Variants in CAST observed in about 807,000 individuals in gnomAD.
CAST encodes calpastatin, also known as MIR583 host.
In CAST, 76 loss-of-function variants were observed where a neutral mutation model predicts 119.6. The observed-to-expected ratio is 0.64, with a 90% CI of 0.53 to 0.77. The LOEUF (loss-of-function observed/expected upper bound fraction) is 0.77. Ranked by LOEUF, CAST falls within the 30% of genes least tolerant of loss-of-function variation. The probability of loss-of-function intolerance (pLI) is 0.00; values close to 1 mark genes in which losing one functional copy is unlikely to be tolerated. For missense variants in CAST, 953 were observed against 946.5 expected, an observed-to-expected ratio of 1.01 and a Z score of -0.09; for synonymous variants, 319 against 331.6, an observed-to-expected ratio of 0.96 and a Z score of 0.41.
chr5:96,191,335 T>A, the CAST span, among the ~76,000 whole-genome samples: 539 of 152,342 alleles, frequency 3.5e-3, 2 homozygotes, highest in African/African-American at 0.012. Context: ...GTTACTTATA[T>A]GCCAGGCATT....
At chr5:96,384,724 G>A in the CAST span, among the ~76,000 whole-genome samples, 1 of 152,190 alleles carries the variant, frequency 6.6e-6, no homozygotes, top group Non-Finnish European at 1.5e-5. Context: ...GGATGTAGTT[G>A]GCTAGGAGAT....
At chr5:96,002,271 T>C in the CAST span, among the ~76,000 whole-genome samples, 1 of 152,198 alleles carries the variant, frequency 6.6e-6, no homozygotes, top group Non-Finnish European at 1.5e-5. Context: ...AGAGAATTCA[T>C]TGGCTCTTTT....
At chr5:96,278,011 G>T in the CAST span, among the ~76,000 whole-genome samples, 290 of 152,070 alleles carry the variant, frequency 1.9e-3, 3 homozygotes, top group Admixed American at 0.016. Context: ...GGAGGGTGGG[G>T]AGTCTTAATT....
intron 1 of CAST, among the ~76,000 whole-genome samples, chr5:96,538,281 A>G (rs1036197361): frequency 3.9e-5 from 6 of 152,210 alleles, no homozygotes; most frequent in Non-Finnish European, 7.3e-5. Context: ...GCATCTAGGA[A>G]AGGAGGTGAG....
intron 1 of CAST, among the ~76,000 whole-genome samples, chr5:96,608,521 G>T (rs171868): frequency 7.3e-5 from 11 of 151,492 alleles, no homozygotes; most frequent in African/African-American, 2.7e-4. Flanking sequence ...TTAAAAAAAA[G>T]AACTTGACAA....
the CAST span, among the ~76,000 whole-genome samples, chr5:96,518,348 A>C: frequency 6.6e-6 from 1 of 152,246 alleles, no homozygotes; most frequent in Non-Finnish European, 1.5e-5. Flanking sequence ...AAAGAAAAGA[A>C]ATGCATTAGC....
chr5:96,031,831 A>G, the CAST span, among the ~76,000 whole-genome samples: 1 of 152,088 alleles, frequency 6.6e-6, no homozygotes, highest in Non-Finnish European at 1.5e-5. Context: ...GCATTATTTC[A>G]TAGTTTCTGT....
At chr5:95,965,492 A>G in the CAST span, among the ~76,000 whole-genome samples, 2 of 152,218 alleles carry the variant, frequency 1.3e-5, no homozygotes, top group African/African-American at 4.8e-5. Flanking sequence ...GTTAATTCTT[A>G]TTAATGTCTT....
At chr5:96,294,820 G>T in the CAST span, among the ~76,000 whole-genome samples, 3 of 152,232 alleles carry the variant, frequency 2.0e-5, no homozygotes, top group Non-Finnish European at 4.4e-5. Flanking sequence ...TGTCAGCATA[G>T]AGGCCTTCTC....
chr5:96,561,919 A>G (rs977099904), intron 1 of CAST, among the ~76,000 whole-genome samples: 1 of 134,380 alleles, frequency 7.4e-6, no homozygotes, highest in Admixed American at 7.5e-5. Context: ...CAGCCTCCCG[A>G]GTAGCTGGGA....
chr5:96,755,423 G>GA (rs1421842932), intron 22 of CAST, among the ~76,000 whole-genome samples: 1 of 152,104 alleles, frequency 6.6e-6, no homozygotes, highest in Non-Finnish European at 1.5e-5. Flanking sequence ...ATATAAGTTG[G>GA]AAAAATAAGA....
the CAST span, among the ~76,000 whole-genome samples, chr5:96,361,809 C>CTTTTTTTTTTTTTTTTTTTGTTTTTTTT: frequency 1.5e-5 from 1 of 68,640 alleles, no homozygotes; most frequent in Non-Finnish European, 2.5e-5. Flanking sequence ...CTCTAGTATG[C>CTTTTTTTTTTTTTTTTTTTGTTTTTTTT]TTTTTTTTTT....
Position 96,736,192 on chromosome 5 carries a change from A to T in CAST, c.651A>T (p.Leu217Phe), listed in dbSNP as rs768223508. The T allele has an allele frequency of 2.5e-6, 4 of 1,612,494 alleles. No individual in the cohort carries two copies. The highest frequency in any genetic ancestry group is 3.4e-6 in the Non-Finnish European group (4 of 1,179,114). The change falls in exon 10 of 32, where the codon TTA (leucine) becomes TTT (phenylalanine). Residue 217 changes from leucine to phenylalanine, a missense_variant. Leu to Phe is a conservative substitution (Grantham distance 22). Coordinates refer to ENST00000675179, the MANE Select transcript of CAST (RefSeq NM_001750.7). ...ACCAGAAAAAAGAAAAGAAATCATT[A>T]ACCCCAGCTGTGCCAGTTGAATCTA... ...PGDKKKEKKS[L>F]TPAVPVESKP...
At chr5:96,268,705 C>G in the CAST span, among the ~76,000 whole-genome samples, 1 of 152,144 alleles carries the variant, frequency 6.6e-6, no homozygotes, top group Non-Finnish European at 1.5e-5. Context: ...CTTTAAAGAC[C>G]ACATATAGAC....
the CAST span, among the ~76,000 whole-genome samples, chr5:96,197,030 C>A: frequency 1.3e-5 from 2 of 152,140 alleles, no homozygotes; most frequent in Non-Finnish European, 2.9e-5. Context: ...ATGACTCTTA[C>A]AAAATGATTC....
the CAST span, among the ~76,000 whole-genome samples, chr5:96,060,201 T>A: frequency 6.6e-6 from 1 of 152,162 alleles, no homozygotes; most frequent in Non-Finnish European, 1.5e-5. Flanking sequence ...GTTCTAAGGT[T>A]ATGTTAACTC....
chr5:96,770,464 T>C, intron 29 of CAST, 67 bp from the exon 30 acceptor site: 1 of 949,522 alleles, frequency 1.1e-6, no homozygotes, highest in East Asian at 2.4e-5. Context: ...TTAATTTAAC[T>C]GCAGCCTAGT....
the CAST span, among the ~76,000 whole-genome samples, chr5:96,078,352 G>A: frequency 2.6e-5 from 4 of 151,832 alleles, no homozygotes; most frequent in African/African-American, 4.8e-5. Flanking sequence ...GGGGTACTTG[G>A]TGATTCTTAA....
chr5:96,537,408 T>G (rs1048915750), intron 1 of CAST, among the ~76,000 whole-genome samples: 12 of 152,242 alleles, frequency 7.9e-5, no homozygotes, highest in Non-Finnish European at 4.4e-5. Flanking sequence ...GTACTCTCTG[T>G]TCCCCTTCAG....
Sources: gnomAD v4.1 joint callset for allele counts (sites outside exome capture counted in the v4.1 genomes callset) on GRCh38, gnomAD v4.1.1 for gene constraint, MANE v1.5 for transcripts, NCBI Gene and HGNC (gene_info 2026-07-23, HGNC 2026-07-21) for gene names.